The following SLC8A3 variants were observed in gnomAD, a reference collection of about 807,000 sequenced individuals.
SLC8A3 encodes solute carrier family 8 member A3.
A neutral mutation model predicts 65.4 loss-of-function variants in SLC8A3; 37 were observed. The observed-to-expected ratio is 0.57, with a 90% CI of 0.44 to 0.74. The LOEUF (loss-of-function observed/expected upper bound fraction) is 0.74. SLC8A3 is among the 30% of genes least tolerant of loss of function. The pLI is 0.00. For synonymous variants in SLC8A3, 461 were observed against 444.5 expected, an observed-to-expected ratio of 1.04 and a Z score of -0.47; for missense variants, 1,112 against 1,172.1, an observed-to-expected ratio of 0.95 and a Z score of 0.75.
At position 70,049,076 on chromosome 14, in the gene SLC8A3, A is replaced by G. The variant is rs767113200; in HGVS notation, c.2114-34T>C. Reference sequence around the variant, plus strand: ...AAGATAAACAGGCAAGAGAACGGGTAACGAAGTCAGATAATCATTCATGAG... The same window carrying G: ...AAGATAAACAGGCAAGAGAACGGGTGACGAAGTCAGATAATCATTCATGAG... On this transcript the variant is annotated intron_variant, in intron 5 of 6. Transcript: ENST00000356921. The G allele has an allele frequency of 2.5e-5, 40 of 1,570,322 alleles. 1 individual carries two copies. In the South Asian group the frequency reaches 3.5e-4, roughly 14 times the overall value.
intron 2 of SLC8A3, among the ~76,000 whole-genome samples, chr14:70,157,525 G>T (rs1308723494): frequency 6.6e-6 from 1 of 152,148 alleles, no homozygotes; most frequent in African/African-American, 2.4e-5. Context: ...GAGCTTTGTG[G>T]GTAGGAACAG....
rs190762446 is a variant in SLC8A3 at position 70,046,522 on chromosome 14, G to T, written c.2390-199C>A. ...TGGGTAGGTCACATCCCTAGTCTGGGCTTCCCATTCCTCATCTGCAGTGAT... is the reference window on the plus strand; with the variant it reads ...TGGGTAGGTCACATCCCTAGTCTGGTCTTCCCATTCCTCATCTGCAGTGAT... On this transcript the variant is annotated intron_variant, in intron 6 of 6. Coordinates refer to ENST00000356921, the MANE Select transcript of SLC8A3 (RefSeq NM_182932.3). The surrounding 1 kb of genome is among the most constrained non-coding windows in gnomAD (Gnocchi z 4.2). 576 of 552,468 alleles carry T rather than the reference G, an allele frequency of 1.0e-3. 12 individuals are homozygous for T. In the Admixed American group the frequency reaches 0.017, roughly 16 times the overall value. 34.2% of individuals were successfully genotyped at this position (552,468 alleles called of 1,614,324 possible).
At chr14:70,053,453 A>G (rs923335130) in intron 3 of SLC8A3, among the ~76,000 whole-genome samples, 16 of 152,342 alleles carry the variant, frequency 1.1e-4, no homozygotes, top group Middle Eastern at 3.4e-3. Context: ...CACAGATTCC[A>G]TACTCTTTTC....
At chr14:70,081,878 G>C (rs75888946) in intron 2 of SLC8A3, among the ~76,000 whole-genome samples, 4 of 152,286 alleles carry the variant, frequency 2.6e-5, no homozygotes, top group Non-Finnish European at 5.9e-5. Flanking sequence ...GATTCTGAAG[G>C]TGCTGTTGAA....
chr14:70,045,672 A>T lies in SLC8A3; in HGVS notation c.*275T>A. On this transcript the variant is annotated 3_prime_UTR_variant, in exon 7 of 7. Coordinates refer to ENST00000356921, the MANE Select transcript of SLC8A3 (RefSeq NM_182932.3). ...CTGACCTTTGCTTTGGGTCAGGGAT[A>T]TGAGGGGGAGATGGGGTGGAGGTGG... 4 of 328,944 alleles carry T rather than the reference A, an allele frequency of 1.2e-5. No homozygotes were observed. Among genetic ancestry groups the T allele is most frequent in the Non-Finnish European group, 2.3e-5 (4 of 177,410 alleles). 20.4% of individuals were successfully genotyped at this position (328,944 alleles called of 1,614,324 possible). A position where few individuals can be genotyped will look rare whatever the true frequency, so the allele number is the denominator to read the frequency against.
intron 2 of SLC8A3, among the ~76,000 whole-genome samples, chr14:70,144,308 G>GGT (rs1277179201): frequency 1.2e-4 from 6 of 49,058 alleles, no homozygotes; most frequent in African/African-American, 5.0e-4. Context: ...AAAACTTCCT[G>GGT]TTTTTTTTTT....
intron 2 of SLC8A3, among the ~76,000 whole-genome samples, chr14:70,164,605 C>G (rs1236753496): frequency 6.6e-6 from 1 of 151,894 alleles, no homozygotes; most frequent in African/African-American, 2.4e-5. Context: ...ATTCAGAGAC[C>G]CTAGGTGCAT....
At chr14:70,073,648 A>G (rs1310402628) in intron 2 of SLC8A3, among the ~76,000 whole-genome samples, 1 of 152,190 alleles carries the variant, frequency 6.6e-6, no homozygotes, top group African/African-American at 2.4e-5. Flanking sequence ...TATCTGATTC[A>G]TGGCTTTAGA....
chr14:70,180,982 C>T (rs1882700996), intron 1 of SLC8A3, among the ~76,000 whole-genome samples: 1 of 152,112 alleles, frequency 6.6e-6, no homozygotes, highest in Admixed American at 6.5e-5. Flanking sequence ...GCTGGAAGGT[C>T]CTGAAATGAA....
intron 2 of SLC8A3, among the ~76,000 whole-genome samples, chr14:70,154,713 AC>A (rs1566816176): frequency 6.6e-6 from 1 of 152,134 alleles, no homozygotes; most frequent in Non-Finnish European, 1.5e-5. Context: ...ATTTTATCAC[AC>A]CCTTAGATAT....
In SLC8A3 at chr14:70,145,348, T is replaced by A. The variant is rs528072126; in HGVS notation, c.1784+21291A>T. 6.6e-5 allele frequency among the ~76,000 whole-genome samples: 10 copies of A among 152,338 alleles called. No individual in the cohort carries two copies. The South Asian group carries it at 2.1e-3, about 32-fold the overall frequency. The stretch of plus-strand genomic sequence containing the variant: ...AGTTCCAATCACTCTGAATTTCATA[T>A]ACCTCCATTATTAAATTCAATACAT... On this transcript the variant is annotated intron_variant, in intron 2 of 6. Transcript: ENST00000356921.
chr14:70,128,931 C>T (rs1036781519), intron 2 of SLC8A3, among the ~76,000 whole-genome samples: 1 of 152,130 alleles, frequency 6.6e-6, no homozygotes, highest in Non-Finnish European at 1.5e-5. Context: ...GTTAATTGGC[C>T]TCTGTTGTAG....
intron 2 of SLC8A3, among the ~76,000 whole-genome samples, chr14:70,129,115 C>A (rs180698503): frequency 6.6e-6 from 1 of 152,270 alleles, no homozygotes; most frequent in African/African-American, 2.4e-5. Context: ...AAATATAATT[C>A]CCCTCTATAC....
intron 1 of SLC8A3, among the ~76,000 whole-genome samples, chr14:70,176,790 G>C (rs535608512): frequency 6.6e-6 from 1 of 152,176 alleles, no homozygotes; most frequent in Admixed American, 6.5e-5. Context: ...GTTTATACTT[G>C]TACTCATGAA....
intron 2 of SLC8A3, among the ~76,000 whole-genome samples, chr14:70,137,355 G>A (rs1433859103): frequency 6.6e-6 from 1 of 152,012 alleles, no homozygotes; most frequent in Non-Finnish European, 1.5e-5. Context: ...GTTTCACCAT[G>A]TTGGTCTTGA....
At chr14:70,149,219 G>A (rs1175879834) in intron 2 of SLC8A3, among the ~76,000 whole-genome samples, 2 of 152,224 alleles carry the variant, frequency 1.3e-5, no homozygotes, top group Admixed American at 1.3e-4. Flanking sequence ...AGGCAAGGGT[G>A]ACTCATCTCC....
At chr14:70,140,753 C>T (rs957080030) in intron 2 of SLC8A3, among the ~76,000 whole-genome samples, 30 of 152,210 alleles carry the variant, frequency 2.0e-4, no homozygotes, top group African/African-American at 2.2e-4. Context: ...TCAAGCTGCA[C>T]GCTTCTCCTT....
At chr14:70,105,020 GA>G (rs1319116665) in intron 2 of SLC8A3, among the ~76,000 whole-genome samples, 1 of 152,168 alleles carries the variant, frequency 6.6e-6, no homozygotes, top group Non-Finnish European at 1.5e-5. Context: ...GTAGTCCTTT[GA>G]AAAGATTAAT....
At chr14:70,090,205 G>A (rs895918681) in intron 2 of SLC8A3, among the ~76,000 whole-genome samples, 2 of 152,140 alleles carry the variant, frequency 1.3e-5, no homozygotes, top group Non-Finnish European at 2.9e-5. Flanking sequence ...CACATTGGCT[G>A]ACCATTGATT....
Sources: gnomAD v4.1 joint callset for allele counts (sites outside exome capture counted in the v4.1 genomes callset) on GRCh38, gnomAD v4.1.1 for gene constraint, Gnocchi (gnomAD v3.1) non-coding constraint, MANE v1.5 for transcripts, NCBI Gene and HGNC (gene_info 2026-07-23, HGNC 2026-07-21) for gene names.